The following SLC16A9 variants were observed in gnomAD, a reference collection of about 807,000 sequenced individuals.
SLC16A9 encodes solute carrier family 16 member 9.
A neutral mutation model predicts 44.3 loss-of-function variants in SLC16A9; 26 were observed. The observed-to-expected ratio is 0.59, with a 90% CI of 0.43 to 0.81. SLC16A9 has a LOEUF of 0.81. SLC16A9 is among the 40% of genes least tolerant of loss of function. The pLI is 0.00. For missense variants in SLC16A9, 559 were observed against 595.8 expected, an observed-to-expected ratio of 0.94 and a Z score of 0.64; for synonymous variants, 230 against 225.1, an observed-to-expected ratio of 1.02 and a Z score of -0.19.
chr10:59,663,789 C>A (rs1326477296), intron 4 of SLC16A9, among the ~76,000 whole-genome samples: 1 of 151,938 alleles, frequency 6.6e-6, no homozygotes, highest in East Asian at 1.9e-4. Context: ...AGATGGTTTA[C>A]TTTGGACTTT....
Position 59,672,801 on chromosome 10 carries a change from G to A in SLC16A9, c.309C>T (p.Tyr103=), listed in dbSNP as rs751675208. 3.7e-6 allele frequency: 6 copies of A among 1,613,492 alleles called. No individual in the cohort carries two copies. In the Admixed American group the frequency reaches 5.0e-5, roughly 13 times the overall value. Residue 103 remains tyrosine (Y), a synonymous_variant, in exon 3 of 6, where the codon TAC becomes TAT. Transcript: ENST00000395348. ...CAATGCCATAGGAAAAAAACAGAAA[G>A]TAGATATTGGGAGCAAAACTGCTCA... ...LMLSSFAPNI[Y]FLFFSYGIVV...
chr10:59,689,657 T>G (rs1186916983), intron 1 of SLC16A9, among the ~76,000 whole-genome samples: 1 of 152,238 alleles, frequency 6.6e-6, no homozygotes, highest in African/African-American at 2.4e-5. Flanking sequence ...CTTCCACGTT[T>G]GTGAGCTAAC....
At chr10:59,698,734 T>C (rs976155817) in intron 1 of SLC16A9, among the ~76,000 whole-genome samples, 3 of 148,760 alleles carry the variant, frequency 2.0e-5, no homozygotes, top group South Asian at 2.1e-4. Context: ...TTGTCTCTCT[T>C]TTTTTTTTTT....
intron 2 of SLC16A9, among the ~76,000 whole-genome samples, chr10:59,681,001 C>T (rs1171598): frequency 0.99 from 149,388 of 150,932 alleles, 73,950 homozygotes; most frequent in Middle Eastern, 1. Flanking sequence ...ATAATAATAA[C>T]AATAATAATT....
At chr10:59,653,425 C>CAAAAAAAA (rs562805430) in intron 5 of SLC16A9, among the ~76,000 whole-genome samples, 1,013 of 36,626 alleles carry the variant, frequency 0.028, 242 homozygotes, top group South Asian at 0.04. Flanking sequence ...AACTCCGTCT[C>CAAAAAAAA]AAAAAAAAAA....
At chr10:59,707,114 G>A (rs1840656673) in intron 1 of SLC16A9, among the ~76,000 whole-genome samples, 1 of 151,470 alleles carries the variant, frequency 6.6e-6, no homozygotes, top group African/African-American at 2.4e-5. Context: ...ACCTGGGTGT[G>A]GTGGCACACG....
intron 1 of SLC16A9, among the ~76,000 whole-genome samples, chr10:59,702,637 T>G (rs1840549947): frequency 6.6e-6 from 1 of 152,236 alleles, no homozygotes; most frequent in Non-Finnish European, 1.5e-5. Flanking sequence ...AATAGCTCAT[T>G]GACATAAAGC....
rs1839201506 is a variant in SLC16A9, at chr10:59,651,655, T to A, written c.*1117A>T. ...AAAATCAATGTATTAAACATTGGAG[T>A]TTATCCCAAGGACATTTTTCTTAAG... On this transcript the variant is annotated 3_prime_UTR_variant, in exon 6 of 6. Coordinates refer to ENST00000395348, the MANE Select transcript of SLC16A9 (RefSeq NM_194298.3). The A allele has an allele frequency of 6.6e-6, 1 of 152,082 alleles. No individual in the cohort carries two copies. Among genetic ancestry groups the A allele is most frequent in the Non-Finnish European group, 1.5e-5 (1 of 68,008 alleles). 9.4% of individuals were successfully genotyped at this position (152,082 alleles called of 1,614,324 possible).
chr10:59,671,494 G>A (rs1284998669), intron 3 of SLC16A9, among the ~76,000 whole-genome samples: 6 of 152,168 alleles, frequency 3.9e-5, no homozygotes, highest in East Asian at 1.9e-4. Context: ...ACATGGGCAC[G>A]TAATATATGG....
Position 59,654,091 on chromosome 10 carries a change from G to A in SLC16A9, c.935C>T (p.Ala312Val), listed in dbSNP as rs1839287056. Residue 312 changes from alanine to valine, a missense_variant, in exon 5 of 6, where the codon GCT becomes GTT. Physicochemically the swap from Ala to Val is moderately conservative, Grantham distance 64 (BLOSUM62 0). Coordinates refer to ENST00000395348, the MANE Select transcript of SLC16A9 (RefSeq NM_194298.3). ...KNKVFSALFI[A>V]ILLFDIGGFP... ...CCCTCCGATGTCAAAGAGTAAGATA[G>A]CAATGAAAAGGGCTGAAAATACTTT... The A allele has an allele frequency of 3.1e-6, 5 of 1,614,072 alleles. No homozygotes were observed. The highest frequency in any genetic ancestry group is 4.2e-6 in the Non-Finnish European group (5 of 1,180,022).
Position 59,670,674 on chromosome 10 carries a change from C to T in SLC16A9, c.340+2096G>A, listed in dbSNP as rs556773204. 9.2e-5 allele frequency among the ~76,000 whole-genome samples: 14 copies of T among 152,160 alleles called. No homozygotes were observed. The South Asian group carries it at 1.9e-3, about 20-fold the overall frequency. The stretch of plus-strand genomic sequence containing the variant: ...TACAAATGTTACCATTAGACTGAAC[C>T]GTTCTTATTTTTCTAAAGAGCTCAT... On this transcript the variant is annotated intron_variant, in intron 3 of 5. Transcript: ENST00000395348.
At chr10:59,707,789 T>A (rs1204097613) in intron 1 of SLC16A9, among the ~76,000 whole-genome samples, 1 of 152,186 alleles carries the variant, frequency 6.6e-6, no homozygotes, top group Non-Finnish European at 1.5e-5. Flanking sequence ...ACCACATCTC[T>A]GTAGTTGTCA....
Position 59,684,112 on chromosome 10 carries a change from T to C in SLC16A9, c.180A>G (p.Gly60=). The C allele has an allele frequency of 6.2e-7, 1 of 1,612,722 alleles. No individual in the cohort carries two copies. The highest frequency in any genetic ancestry group is 1.1e-5 in the South Asian group (1 of 90,778). Residue 60 remains glycine (G), a synonymous_variant, in exon 2 of 6, where the codon GGA becomes GGG. Coordinates refer to ENST00000395348, the MANE Select transcript of SLC16A9 (RefSeq NM_194298.3). ...KTAWVGSLAS[G]VGLLASPVCS... is the part of the protein sequence containing the mutation. ...TCCACTTACTTGCAAGCAAGCCAACTCCACTTGCCAGGGATCCAACCCAGG... is the reference window on the plus strand; with the variant it reads ...TCCACTTACTTGCAAGCAAGCCAACCCCACTTGCCAGGGATCCAACCCAGG...
intron 4 of SLC16A9, among the ~76,000 whole-genome samples, chr10:59,659,104 G>T (rs1839413924): frequency 6.6e-6 from 1 of 152,074 alleles, no homozygotes; most frequent in Admixed American, 6.6e-5. Context: ...AAATTCATCT[G>T]AAAACTGAAA....
rs1839221535 is a variant in SLC16A9, at chr10:59,652,328, A to G, written c.*444T>C. On this transcript the variant is annotated 3_prime_UTR_variant, in exon 6 of 6. Transcript: ENST00000395348. ...CTGTTTACTAGCAAGTCAAACATAG[A>G]GAAGAGAATGATTTATTTCCTAGTG... 6.6e-6 allele frequency: 1 copy of G among 152,526 alleles called. No homozygotes were observed. Among genetic ancestry groups the G allele is most frequent in the Admixed American group, 6.5e-5 (1 of 15,294 alleles). 9.4% of individuals were successfully genotyped at this position (152,526 alleles called of 1,614,324 possible). A position where few individuals can be genotyped will look rare whatever the true frequency, so the allele number is the denominator to read the frequency against.
chr10:59,665,764 C>T (rs1484969645), intron 3 of SLC16A9, among the ~76,000 whole-genome samples: 3 of 151,962 alleles, frequency 2.0e-5, no homozygotes, highest in East Asian at 1.9e-4. Context: ...ACATGCTTTC[C>T]GTGATTTCGT....
chr10:59,709,550 G>A lies in SLC16A9; in HGVS notation c.-108C>T. ...AGTGCCCCGTGCGGCCGGGCTGGTG[G>A]TGTGGTGGGGATCGCGGCCGCCGCT... is the stretch of plus-strand genomic sequence containing the variant. On this transcript the variant is annotated 5_prime_UTR_variant, in exon 1 of 6. Transcript: ENST00000395348. 6.6e-6 allele frequency: 1 copy of A among 152,484 alleles called. No homozygotes were observed. The highest frequency in any genetic ancestry group is 2.4e-5 in the African/African-American group (1 of 41,570). 9.4% of individuals were successfully genotyped at this position (152,484 alleles called of 1,614,324 possible).
upstream of SLC16A9, chr10:59,709,893 A>C (rs1840729094): frequency 6.5e-6 from 1 of 153,104 alleles, no homozygotes; most frequent in South Asian, 2.1e-4. Context: ...AAGGAGGAGG[A>C]GGAGGCGGAG....
intron 4 of SLC16A9, among the ~76,000 whole-genome samples, chr10:59,655,557 G>T (rs557423698): frequency 2.0e-5 from 3 of 152,112 alleles, no homozygotes; most frequent in African/African-American, 7.2e-5. Flanking sequence ...TTTTTTTAGG[G>T]TATTTAAATT....
Sources: gnomAD v4.1 joint callset for allele counts (sites outside exome capture counted in the v4.1 genomes callset) on GRCh38, gnomAD v4.1.1 for gene constraint, MANE v1.5 for transcripts, NCBI Gene and HGNC (gene_info 2026-07-23, HGNC 2026-07-21) for gene names.